RERG: variants seen among roughly 807,000 people sequenced by gnomAD.
The protein encoded by RERG is ras-related and estrogen-regulated growth inhibitor.
Under a neutral mutation model 23.2 loss-of-function variants are expected in RERG, and 25 were observed. The ratio of observed to expected loss-of-function variants is 1.08; its 90% CI spans 0.79 to 1.50. RERG has a LOEUF of 1.50. Ranked by LOEUF, RERG falls within the 40% of genes most tolerant of loss-of-function variation. RERG has a pLI of 0.00. For synonymous variants in RERG, 81 were observed against 89.1 expected (o/e 0.91, Z 0.51); for missense variants, 253 against 250.1 (o/e 1.01, Z -0.08).
intron 2 of RERG, among the ~76,000 whole-genome samples, chr12:15,126,965 G>T (rs147012753): frequency 2.6e-5 from 4 of 151,886 alleles, no homozygotes; most frequent in African/African-American, 9.7e-5. Context: ...TGATCCGCCC[G>T]CTTCAGCCTC....
chr12:15,212,088 T>C lies in RERG; in HGVS notation c.61+5341A>G, dbSNP rs575756459. 3.8e-5 allele frequency among the ~76,000 whole-genome samples: 5 copies of C among 132,932 alleles called. No homozygotes were observed. The South Asian group carries it at 1.1e-3, about 29-fold the overall frequency. 87.2% of individuals were successfully genotyped at this position (132,932 alleles called of 152,430 possible). A position where few individuals can be genotyped will look rare whatever the true frequency, so the allele number is the denominator to read the frequency against. Reference sequence around the variant, plus strand: ...TTTTTTTTGAGACGGAGTCTCGCTCTGTCGCCCAGGCCGGACTGCGGACTG... The same window carrying C: ...TTTTTTTTGAGACGGAGTCTCGCTCCGTCGCCCAGGCCGGACTGCGGACTG... On this transcript the variant is annotated intron_variant, in intron 2 of 4. Coordinates refer to ENST00000256953, the MANE Select transcript of RERG (RefSeq NM_032918.3).
chr12:15,110,481 T>TC (rs1422591325), intron 4 of RERG, among the ~76,000 whole-genome samples: 20 of 129,152 alleles, frequency 1.5e-4, no homozygotes, highest in Admixed American at 4.7e-4. Context: ...TTTTTTTTTT[T>TC]TTTTTTTTTT....
At position 15,108,479 on chromosome 12, in the gene RERG, A is replaced by G. The variant is rs528955915; in HGVS notation, c.*631T>C. The G allele has an allele frequency of 3.3e-5, 5 of 152,718 alleles. No homozygotes were observed. The highest frequency in any genetic ancestry group is 1.2e-4 in the African/African-American group (5 of 41,566). 9.5% of individuals were successfully genotyped at this position (152,718 alleles called of 1,614,324 possible). A position where few individuals can be genotyped will look rare whatever the true frequency, so the allele number is the denominator to read the frequency against. ...AATATTGTTTGAGCCAAGGAAGGAG[A>G]GTTAGGGTGTAATGATCAATAGATC... On this transcript the variant is annotated 3_prime_UTR_variant, in exon 5 of 5. Coordinates refer to ENST00000256953, the MANE Select transcript of RERG (RefSeq NM_032918.3).
chr12:15,142,587 A>T (rs1298807192), intron 2 of RERG, among the ~76,000 whole-genome samples: 2 of 152,144 alleles, frequency 1.3e-5, no homozygotes, highest in Non-Finnish European at 2.9e-5. Flanking sequence ...TTAAGCATCA[A>T]TTTTGGATTG....
chr12:15,195,032 G>C (rs1307354842), intron 2 of RERG, among the ~76,000 whole-genome samples: 3 of 152,010 alleles, frequency 2.0e-5, no homozygotes, highest in Admixed American at 6.6e-5. Flanking sequence ...AACACTTTGT[G>C]GAAAGGTTTA....
intron 2 of RERG, among the ~76,000 whole-genome samples, chr12:15,210,504 T>C (rs1269416014): frequency 6.6e-6 from 1 of 152,226 alleles, no homozygotes; most frequent in Admixed American, 6.5e-5. Context: ...AAGCCTTAAC[T>C]AAGAAATGAT....
intron 2 of RERG, among the ~76,000 whole-genome samples, chr12:15,158,274 A>T (rs1864551951): frequency 6.6e-6 from 1 of 151,488 alleles, no homozygotes; most frequent in Non-Finnish European, 1.5e-5. Flanking sequence ...ACAGTTCCTC[A>T]GTTTTTTTGT....
chr12:15,189,935 C>T (rs987380285), intron 2 of RERG, among the ~76,000 whole-genome samples: 1 of 152,194 alleles, frequency 6.6e-6, no homozygotes, highest in Admixed American at 6.5e-5. Flanking sequence ...AAACTCTACA[C>T]ATTCCCAAAT....
chr12:15,132,482 T>A (rs1295992371), intron 2 of RERG, among the ~76,000 whole-genome samples: 1 of 152,200 alleles, frequency 6.6e-6, no homozygotes, highest in East Asian at 1.9e-4. Flanking sequence ...TTTTGGCAAT[T>A]ATGTTTTGGC....
At chr12:15,149,690 T>C (rs1318898505) in intron 2 of RERG, among the ~76,000 whole-genome samples, 2 of 152,226 alleles carry the variant, frequency 1.3e-5, no homozygotes, top group African/African-American at 4.8e-5. Context: ...TACATGCACA[T>C]AGATGATTCT....
chr12:15,146,922 C>A (rs1046683892), intron 2 of RERG, among the ~76,000 whole-genome samples: 1 of 152,162 alleles, frequency 6.6e-6, no homozygotes, highest in Non-Finnish European at 1.5e-5. Context: ...ATTACATTAA[C>A]AATCCCTCTC....
chr12:15,131,889 G>T (rs1465115579), intron 2 of RERG, among the ~76,000 whole-genome samples: 1 of 152,078 alleles, frequency 6.6e-6, no homozygotes, highest in Non-Finnish European at 1.5e-5. Flanking sequence ...CACTCCTATG[G>T]CTACCTTTAC....
intron 2 of RERG, among the ~76,000 whole-genome samples, chr12:15,125,658 A>C (rs1359749545): frequency 6.6e-6 from 1 of 152,078 alleles, no homozygotes; most frequent in Non-Finnish European, 1.5e-5. Context: ...CAAGTGTTTA[A>C]AAAATAATGG....
chr12:15,129,494 CAATA>C (rs1227465140), intron 2 of RERG, among the ~76,000 whole-genome samples: 1 of 152,144 alleles, frequency 6.6e-6, no homozygotes, highest in African/African-American at 2.4e-5. Context: ...TTCATTTAGT[CAATA>C]AATATTTATT....
chr12:15,201,753 A>T (rs1433421184), intron 2 of RERG, among the ~76,000 whole-genome samples: 2 of 151,206 alleles, frequency 1.3e-5, no homozygotes, highest in Non-Finnish European at 3.0e-5. Context: ...ATTATTAGTA[A>T]TTGTTAATTA....
chr12:15,131,297 G>C (rs1252503108), intron 2 of RERG, among the ~76,000 whole-genome samples: 1 of 151,878 alleles, frequency 6.6e-6, no homozygotes, highest in Non-Finnish European at 1.5e-5. Flanking sequence ...TATATAAGTT[G>C]AAAAATATTA....
At chr12:15,148,847 G>GTTTTTTTTTTTTTTTTTTTTT (rs56033971) in intron 2 of RERG, among the ~76,000 whole-genome samples, 1 of 45,530 alleles carries the variant, frequency 2.2e-5, no homozygotes, top group Non-Finnish European at 4.9e-5. Context: ...CTTTAACTCT[G>GTTTTTTTTTTTTTTTTTTTTT]TTTTTTTTTT....
chr12:15,202,633 T>C (rs1439964674), intron 2 of RERG, among the ~76,000 whole-genome samples: 1 of 151,790 alleles, frequency 6.6e-6, no homozygotes, highest in East Asian at 1.9e-4. Context: ...ATTTTATTCA[T>C]TTTAAGGATG....
chr12:15,163,428 GAATTGGGTT>G (rs142031362), intron 2 of RERG, among the ~76,000 whole-genome samples: 228 of 152,294 alleles, frequency 1.5e-3, no homozygotes, highest in Admixed American at 3.3e-3. Flanking sequence ...TGAATGTGAA[GAATTGGGTT>G]ACATAGGGGA....
Sources: allele counts gnomAD v4.1 joint callset (sites outside exome capture counted in the v4.1 genomes callset), GRCh38; gene constraint gnomAD v4.1.1; transcripts MANE v1.5; gene names NCBI Gene and HGNC (gene_info 2026-07-23, HGNC 2026-07-21).